EGFLAM: variants seen among roughly 807,000 people sequenced by gnomAD.
The protein encoded by EGFLAM is EGF like, fibronectin type III and laminin G domains, also known as pikachurin.
Under a neutral mutation model 113.1 loss-of-function variants are expected in EGFLAM, and 79 were observed. That is an observed-to-expected ratio of 0.70 (90% confidence interval 0.58 to 0.84). The LOEUF (loss-of-function observed/expected upper bound fraction) is 0.84, where lower values mean the gene tolerates loss of function less well. Among genes scored for constraint, EGFLAM ranks in the 40% least tolerant of loss-of-function variants. The probability of loss-of-function intolerance (pLI) is 0.00; values close to 1 mark genes in which losing one functional copy is unlikely to be tolerated. For synonymous variants in EGFLAM, 504 were observed against 487.6 expected (o/e 1.03, Z -0.44); for missense variants, 1,265 against 1,291.6 (o/e 0.98, Z 0.32).
intron 17 of EGFLAM, among the ~76,000 whole-genome samples, chr5:38,439,702 T>G (rs1052337701): frequency 6.6e-6 from 1 of 152,210 alleles, no homozygotes; most frequent in Non-Finnish European, 1.5e-5. Context: ...AATTGATTCA[T>G]TTGTGAATTA....
chr5:38,357,071 C>G (rs1347313731), intron 5 of EGFLAM, among the ~76,000 whole-genome samples: 2 of 152,130 alleles, frequency 1.3e-5, no homozygotes, highest in Non-Finnish European at 2.9e-5. Flanking sequence ...ATCTATGAAC[C>G]AGAAAGGAGA....
intron 1 of EGFLAM, among the ~76,000 whole-genome samples, chr5:38,333,921 T>G (rs1370004225): frequency 7.2e-6 from 1 of 138,454 alleles, no homozygotes; most frequent in Non-Finnish European, 1.5e-5. Flanking sequence ...TGAGGGTTTT[T>G]TTTTTTTTTT....
chr5:38,363,053 A>C lies in EGFLAM; in HGVS notation c.546-7243A>C, dbSNP rs138610274. Among the ~76,000 whole-genome samples the C allele has an allele frequency of 2.4e-4, 36 of 152,328 alleles. No individual in the cohort carries two copies. In the East Asian group the frequency reaches 6.9e-3, roughly 29 times the overall value. On this transcript the variant is annotated intron_variant, in intron 5 of 21. Coordinates refer to ENST00000322350, the MANE Select transcript of EGFLAM (RefSeq NM_152403.4). ...GTATCCATGTGTTTGTCATTTGGTTAGGTTAAACCAATTTGTAAATAAAGA... is the reference window on the plus strand; with the variant it reads ...GTATCCATGTGTTTGTCATTTGGTTCGGTTAAACCAATTTGTAAATAAAGA...
chr5:38,447,972 C>T (rs894289720), intron 17 of EGFLAM, among the ~76,000 whole-genome samples: 1 of 152,172 alleles, frequency 6.6e-6, no homozygotes, highest in African/African-American at 2.4e-5. Context: ...CCAGCTGCTC[C>T]CCACATGGCC....
chr5:38,302,493 C>A (rs1281184863), intron 1 of EGFLAM, among the ~76,000 whole-genome samples: 1 of 151,936 alleles, frequency 6.6e-6, no homozygotes, highest in Non-Finnish European at 1.5e-5. Flanking sequence ...TATAAGAATT[C>A]AAAGATAGAA....
intron 14 of EGFLAM, among the ~76,000 whole-genome samples, chr5:38,428,438 G>C (rs1157858904): frequency 1.3e-5 from 2 of 152,210 alleles, no homozygotes; most frequent in East Asian, 1.9e-4. Context: ...TGTACCTCTG[G>C]TTATGCAAAA....
chr5:38,342,725 G>C (rs748938046), intron 3 of EGFLAM, among the ~76,000 whole-genome samples: 1 of 152,074 alleles, frequency 6.6e-6, no homozygotes. Context: ...GAATGTTTAG[G>C]GTGGTGGTCT....
At chr5:38,370,016 A>G (rs150816387) in intron 5 of EGFLAM, among the ~76,000 whole-genome samples, 5 of 152,222 alleles carry the variant, frequency 3.3e-5, no homozygotes, top group African/African-American at 9.6e-5. Context: ...CTATGTGAAG[A>G]TCTTTTCATC....
rs760150207 is a variant in EGFLAM, at chr5:38,258,897, G to C, written c.97+46G>C. The C allele has an allele frequency of 9.5e-6, 15 of 1,575,716 alleles. No homozygotes were observed. In the African/African-American group the frequency reaches 2.0e-4, roughly 21 times the overall value. On this transcript the variant is annotated intron_variant, in intron 1 of 21. Transcript: ENST00000322350. ...GAGCCACCACGCCCCGAGCGCCCCTGCTGGGCTCCGGGGCGAGGACACAGA... is the reference window on the plus strand; with the variant it reads ...GAGCCACCACGCCCCGAGCGCCCCTCCTGGGCTCCGGGGCGAGGACACAGA...
At chr5:38,444,705 G>A (rs948618327) in intron 17 of EGFLAM, among the ~76,000 whole-genome samples, 5 of 152,190 alleles carry the variant, frequency 3.3e-5, no homozygotes, top group African/African-American at 1.2e-4. Flanking sequence ...GGCGCTTTGG[G>A]AGGCCCAGGC....
intron 1 of EGFLAM, among the ~76,000 whole-genome samples, chr5:38,273,429 C>G (rs374836475): frequency 6.6e-5 from 10 of 152,352 alleles, no homozygotes; most frequent in Admixed American, 5.2e-4. Context: ...CACATAATCC[C>G]TAGTGACAGG....
rs138721025 is a variant in EGFLAM at position 38,367,073 on chromosome 5, G to A, written c.546-3223G>A. 2.6e-4 allele frequency among the ~76,000 whole-genome samples: 40 copies of A among 152,286 alleles called. No individual in the cohort carries two copies. In the East Asian group the frequency reaches 7.5e-3, roughly 29 times the overall value. ...CCACTGATCTCCTGAGGTATAGGGT[G>A]CCTGGCCCAACCCTATCTCACTACT... On this transcript the variant is annotated intron_variant, in intron 5 of 21. Transcript: ENST00000322350.
At position 38,276,639 on chromosome 5, in the gene EGFLAM, G is replaced by GT. The variant is rs869166615; in HGVS notation, c.97+17795dup. ...AAAAGATCAACAAAACAAAGAGTTG[G>GT]TTTTTTTAAAAAAGATAAATAGAAT... is the stretch of plus-strand genomic sequence containing the variant. On this transcript the variant is annotated intron_variant, in intron 1 of 21. Transcript: ENST00000322350. Among the ~76,000 whole-genome samples the GT allele has an allele frequency of 4.4e-4, 67 of 151,802 alleles. No homozygotes were observed. In the South Asian group the frequency reaches 4.6e-3, roughly 10 times the overall value.
chr5:38,297,632 A>T, intron 1 of EGFLAM, among the ~76,000 whole-genome samples: 1 of 152,166 alleles, frequency 6.6e-6, no homozygotes, highest in East Asian at 1.9e-4. Context: ...AGAACGCTAA[A>T]CTTGCTTGAC....
intron 6 of EGFLAM, among the ~76,000 whole-genome samples, chr5:38,391,982 G>A (rs770879781): frequency 4.4e-4 from 67 of 152,062 alleles, no homozygotes; most frequent in Admixed American, 7.9e-4. Flanking sequence ...AGGTTCAGAG[G>A]TACATGTGAA....
At chr5:38,381,281 C>T (rs1446478299) in intron 6 of EGFLAM, among the ~76,000 whole-genome samples, 3 of 152,108 alleles carry the variant, frequency 2.0e-5, no homozygotes, top group Non-Finnish European at 2.9e-5. Flanking sequence ...ATTCTTGAAT[C>T]GTTTCAGTTC....
intron 3 of EGFLAM, among the ~76,000 whole-genome samples, chr5:38,339,935 G>A (rs761528806): frequency 4.6e-5 from 7 of 152,194 alleles, no homozygotes; most frequent in Non-Finnish European, 1.0e-4. Context: ...AAAGGGTGAT[G>A]TGTTGGGTTG....
intron 1 of EGFLAM, among the ~76,000 whole-genome samples, chr5:38,270,592 A>G (rs1274378968): frequency 6.6e-6 from 1 of 152,174 alleles, no homozygotes; most frequent in African/African-American, 2.4e-5. Context: ...AGCTTGAAGG[A>G]ATTGTAGTAA....
At chr5:38,345,655 C>T (rs1201478981) in intron 3 of EGFLAM, 1 of 152,180 alleles carries the variant, frequency 6.6e-6, no homozygotes, top group African/African-American at 2.4e-5. Context: ...AAAGCAATTC[C>T]CACGACTCTG....
Sources: gnomAD v4.1 joint callset for allele counts (sites outside exome capture counted in the v4.1 genomes callset) on GRCh38, gnomAD v4.1.1 for gene constraint, MANE v1.5 for transcripts, NCBI Gene and HGNC (gene_info 2026-07-23, HGNC 2026-07-21) for gene names.